The following SNTB1 variants were observed in gnomAD, a reference collection of about 807,000 sequenced individuals.
The protein encoded by SNTB1 is syntrophin beta 1, also known as beta-1-syntrophin.
SNTB1 carries 36 observed loss-of-function variants against 48.9 expected under a neutral mutation model. That is an observed-to-expected ratio of 0.74 (90% CI 0.56 to 0.97). The LOEUF is 0.97. SNTB1 is among the 50% of genes least tolerant of loss of function. The probability of loss-of-function intolerance (pLI) is 0.00; values close to 1 mark genes in which losing one functional copy is unlikely to be tolerated. For synonymous variants in SNTB1, 299 were observed against 294.6 expected, an observed-to-expected ratio of 1.01 and a Z score of -0.15; for missense variants, 786 against 703.4, an observed-to-expected ratio of 1.12 and a Z score of -1.33.
intron 1 of SNTB1, among the ~76,000 whole-genome samples, chr8:120,745,295 G>T (rs1307536720): frequency 1.3e-5 from 2 of 151,958 alleles, no homozygotes; most frequent in African/African-American, 4.8e-5. Context: ...ACTGTCACTA[G>T]TCCCTGACAT....
intron 3 of SNTB1, among the ~76,000 whole-genome samples, chr8:120,577,797 A>T (rs1000994948): frequency 3.3e-5 from 5 of 152,234 alleles, no homozygotes; most frequent in African/African-American, 1.2e-4. Context: ...CCATGTGTCA[A>T]GTGGTATATG....
At chr8:120,543,624 G>A (rs1360937948) in intron 5 of SNTB1, among the ~76,000 whole-genome samples, 1 of 152,116 alleles carries the variant, frequency 6.6e-6, no homozygotes, top group Admixed American at 6.6e-5. Context: ...GAGAGAGCTG[G>A]GCACAGAGTC....
intron 1 of SNTB1, among the ~76,000 whole-genome samples, chr8:120,731,769 C>T (rs1047414796): frequency 1.1e-4 from 16 of 152,184 alleles, no homozygotes; most frequent in South Asian, 2.1e-4. Flanking sequence ...CGGCAGAACT[C>T]GTTCCTCTCT....
chr8:120,555,266 T>C (rs766195524), intron 4 of SNTB1, among the ~76,000 whole-genome samples: 2 of 152,176 alleles, frequency 1.3e-5, no homozygotes, highest in Non-Finnish European at 2.9e-5. Context: ...GCTTCTTCTA[T>C]AGAGACAGGG....
chr8:120,659,207 A>T (rs1204467249), intron 2 of SNTB1, among the ~76,000 whole-genome samples: 1 of 152,020 alleles, frequency 6.6e-6, no homozygotes, highest in Non-Finnish European at 1.5e-5. Flanking sequence ...CAAGCAATCC[A>T]CCTGCTTCGG....
At chr8:120,618,017 A>C (rs6987986) in intron 3 of SNTB1, among the ~76,000 whole-genome samples, 14,409 of 152,200 alleles carry the variant, frequency 0.095, 1,264 homozygotes, top group East Asian at 0.43. Context: ...CTAGCCACCT[A>C]AGATTAATGG....
At chr8:120,793,348 A>T (rs536901064) in intron 1 of SNTB1, among the ~76,000 whole-genome samples, 1 of 152,238 alleles carries the variant, frequency 6.6e-6, no homozygotes, top group Non-Finnish European at 1.5e-5. Flanking sequence ...AGTGATGAAG[A>T]AATACTGTTA....
At position 120,583,558 on chromosome 8, in the gene SNTB1, C is replaced by CAAAA. The variant is rs1375683000; in HGVS notation, c.997-8334_997-8333insTTTT. Among the ~76,000 whole-genome samples, 93 of 127,040 alleles carry CAAAA rather than the reference C, an allele frequency of 7.3e-4. 1 individual carries two copies. The highest frequency in any genetic ancestry group is 2.5e-3 in the African/African-American group (87 of 34,638). 83.3% of individuals were successfully genotyped at this position (127,040 alleles called of 152,430 possible). A position where few individuals can be genotyped will look rare whatever the true frequency, so the allele number is the denominator to read the frequency against. On this transcript the variant is annotated intron_variant, in intron 3 of 6. Coordinates refer to ENST00000517992, the MANE Select transcript of SNTB1 (RefSeq NM_021021.4). ...ACACACACACACACACACACACACA[C>CAAAA]ACAAAACTGGAACAGTACTATCTCT...
intron 4 of SNTB1, among the ~76,000 whole-genome samples, chr8:120,574,736 C>A (rs1563821220): frequency 6.6e-6 from 1 of 152,048 alleles, no homozygotes; most frequent in South Asian, 2.1e-4. Flanking sequence ...AAGTGAAGAC[C>A]CTTGCTTGGT....
chr8:120,569,602 A>G (rs894858525), intron 4 of SNTB1, among the ~76,000 whole-genome samples: 2 of 152,218 alleles, frequency 1.3e-5, no homozygotes, highest in African/African-American at 2.4e-5. Context: ...TCAGCTGTCC[A>G]TGGACTGCTG....
intron 1 of SNTB1, among the ~76,000 whole-genome samples, chr8:120,781,649 G>A (rs916605476): frequency 2.0e-5 from 3 of 152,174 alleles, no homozygotes; most frequent in Admixed American, 6.5e-5. Flanking sequence ...TGTATTATAC[G>A]TGTGTGGCCA....
At chr8:120,794,261 A>C (rs1820084833) in intron 1 of SNTB1, among the ~76,000 whole-genome samples, 1 of 152,000 alleles carries the variant, frequency 6.6e-6, no homozygotes, top group Non-Finnish European at 1.5e-5. Flanking sequence ...AATTTTTTTA[A>C]GTGTATTTCC....
intron 1 of SNTB1, among the ~76,000 whole-genome samples, chr8:120,708,646 T>C (rs4871101): frequency 0.1 from 15,220 of 152,144 alleles, 977 homozygotes; most frequent in East Asian, 0.2. Flanking sequence ...TAATCCAAGA[T>C]TGATTCAATA....
chr8:120,542,512 G>A (rs992961282), intron 5 of SNTB1, among the ~76,000 whole-genome samples: 1 of 152,138 alleles, frequency 6.6e-6, no homozygotes, highest in Admixed American at 6.5e-5. Context: ...ATATTAGCCA[G>A]ACATGGTGGT....
chr8:120,786,670 T>C (rs1819927933), intron 1 of SNTB1, among the ~76,000 whole-genome samples: 1 of 152,194 alleles, frequency 6.6e-6, no homozygotes, highest in Non-Finnish European at 1.5e-5. Context: ...CTGATCTGAA[T>C]AGCCAGAATA....
intron 1 of SNTB1, among the ~76,000 whole-genome samples, chr8:120,770,872 T>C (rs1355838935): frequency 6.6e-6 from 1 of 152,178 alleles, no homozygotes; most frequent in East Asian, 1.9e-4. Context: ...ATTTCAATGG[T>C]CTGTGCTTAT....
intron 1 of SNTB1, among the ~76,000 whole-genome samples, chr8:120,754,785 G>A (rs963299508): frequency 1.3e-5 from 2 of 152,116 alleles, no homozygotes; most frequent in Non-Finnish European, 2.9e-5. Context: ...CATAAGCAAA[G>A]GCTACAGAAA....
intron 1 of SNTB1, among the ~76,000 whole-genome samples, chr8:120,746,645 AGTTACAGTCTTTC>A (rs1235340160): frequency 6.6e-6 from 1 of 152,214 alleles, no homozygotes; most frequent in Non-Finnish European, 1.5e-5. Context: ...TCTAAATAAA[AGTTACAGTCTTTC>A]CTTAAGATTA....
At chr8:120,684,102 C>T (rs193085536) in intron 2 of SNTB1, among the ~76,000 whole-genome samples, 6 of 152,216 alleles carry the variant, frequency 3.9e-5, no homozygotes, top group African/African-American at 1.2e-4. Context: ...CTGGTTAGAG[C>T]CTCACAGTGC....
Sources: allele counts gnomAD v4.1 joint callset (sites outside exome capture counted in the v4.1 genomes callset), GRCh38; gene constraint gnomAD v4.1.1; transcripts MANE v1.5; gene names NCBI Gene and HGNC (gene_info 2026-07-23, HGNC 2026-07-21).